MTERF4: variants seen among roughly 807,000 people sequenced by gnomAD.
The protein encoded by MTERF4 is transcription termination factor 4, mitochondrial.
Under a neutral mutation model 22.5 loss-of-function variants are expected in MTERF4, and 17 were observed. The ratio of observed to expected loss-of-function variants is 0.75; its 90% CI spans 0.52 to 1.13. MTERF4 has a LOEUF of 1.13. Among genes scored for constraint, MTERF4 ranks in the 50% most tolerant of loss-of-function variants. MTERF4 has a pLI of 0.00. For missense variants in MTERF4, 420 were observed against 466.8 expected, an observed-to-expected ratio of 0.90 and a Z score of 0.92; for synonymous variants, 165 against 175.3, an observed-to-expected ratio of 0.94 and a Z score of 0.47.
downstream of MTERF4, chr2:241,071,534 G>A (rs1348457982): frequency 2.6e-6 from 4 of 1,558,556 alleles, no homozygotes; most frequent in Non-Finnish European, 3.4e-6. Context: ...CAGGAGCAGA[G>A]GGCAGCCCCA....
At chr2:241,095,537 AAAAT>A (rs557163318), downstream of MTERF4, 48 of 163,176 alleles carry the variant, frequency 2.9e-4, no homozygotes, top group Non-Finnish European at 6.1e-4. Context: ...ATGTTTTCAT[AAAAT>A]AAAGTGCTAT....
the MTERF4 span, chr2:241,065,397 C>T: frequency 6.2e-7 from 1 of 1,613,258 alleles, no homozygotes; most frequent in South Asian, 1.1e-5. Context: ...CAGGCAGATG[C>T]TTGATGGCTA....
At chr2:241,088,330 T>C (rs1559318723), downstream of MTERF4, 25 of 1,533,756 alleles carry the variant, frequency 1.6e-5, no homozygotes, top group Non-Finnish European at 2.3e-5. Flanking sequence ...ACACAGTCTC[T>C]TTTTCATTAA....
chr2:241,067,871 G>C, downstream of MTERF4: 1 of 1,613,522 alleles, frequency 6.2e-7, no homozygotes, highest in Middle Eastern at 1.7e-4. Flanking sequence ...TGGGGTCCGT[G>C]TGTCCATCCG....
chr2:241,069,080 C>T (rs1254687146), downstream of MTERF4: 1 of 1,258,390 alleles, frequency 7.9e-7, no homozygotes, highest in African/African-American at 1.5e-5. The surrounding 1 kb of genome is among the most constrained non-coding windows in gnomAD (Gnocchi z 4.9). Flanking sequence ...GAAGCTCTGG[C>T]TTCCTTCCAG....
the MTERF4 span, among the ~76,000 whole-genome samples, chr2:241,043,036 C>A: frequency 5.3e-5 from 8 of 151,372 alleles, no homozygotes; most frequent in African/African-American, 1.7e-4. Context: ...GGATGGAGAA[C>A]AATATTAAGC....
At chr2:241,067,209 A>G (rs528709173), downstream of MTERF4, among the ~76,000 whole-genome samples, 1 of 152,268 alleles carries the variant, frequency 6.6e-6, no homozygotes, top group African/African-American at 2.4e-5. Context: ...AGTTGCCGGG[A>G]GCTGAGCGCT....
At chr2:241,081,679 G>A (rs377131444) in intron 4 of MTERF4, 212 of 1,598,072 alleles carry the variant, frequency 1.3e-4, no homozygotes, top group Non-Finnish European at 1.6e-4. Flanking sequence ...GTTTCCAGAC[G>A]TCCCTGGCAA....
the MTERF4 span, chr2:241,063,316 C>T: frequency 1.9e-5 from 10 of 526,302 alleles, no homozygotes; most frequent in Non-Finnish European, 3.5e-5. Context: ...GGAGCCGTGC[C>T]CAGTCGTGGC....
intron 3 of MTERF4, chr2:241,097,033 G>C: frequency 8.2e-6 from 5 of 613,116 alleles, no homozygotes; most frequent in Non-Finnish European, 1.4e-5. Flanking sequence ...TGTATGCAGA[G>C]AATCTAGTCT....
chr2:241,050,805 T>G, the MTERF4 span, among the ~76,000 whole-genome samples: 2 of 151,432 alleles, frequency 1.3e-5, no homozygotes, highest in Non-Finnish European at 2.9e-5. Flanking sequence ...CACCTGCCAG[T>G]GGTATGAAGT....
At chr2:241,087,620 C>T (rs1464762909), downstream of MTERF4, 4 of 1,438,692 alleles carry the variant, frequency 2.8e-6, no homozygotes, top group South Asian at 1.5e-5. Flanking sequence ...TGGGCAGCCA[C>T]GTTCTGCTAC....
At chr2:241,070,192 A>G (rs754199913), downstream of MTERF4, 9 of 1,605,336 alleles carry the variant, frequency 5.6e-6, no homozygotes, top group South Asian at 3.3e-5. Flanking sequence ...CCACCTCTAC[A>G]TCATCACCTG....
intron 4 of MTERF4, among the ~76,000 whole-genome samples, chr2:241,078,091 G>A (rs562587928): frequency 7.9e-4 from 121 of 152,220 alleles, no homozygotes; most frequent in African/African-American, 2.6e-3. Flanking sequence ...ATCAACTAAC[G>A]AAAGGAAAAG....
At chr2:241,089,892 G>A (rs2063801910), downstream of MTERF4, 2 of 1,504,712 alleles carry the variant, frequency 1.3e-6, no homozygotes, top group Admixed American at 4.6e-5. Flanking sequence ...AATACTGTAG[G>A]CGGTCGTAAC....
In MTERF4 at chr2:241,075,943, C is replaced by CT. The variant is rs1182754603; in HGVS notation, n.480-262dup. Reference sequence around the variant, plus strand: ...TTCATCTCTTCATGCTAAAAAGTCCCTTTTTCCCCCACTGTCAGTATCAAA... The same window carrying CT: ...TTCATCTCTTCATGCTAAAAAGTCCCTTTTTTCCCCCACTGTCAGTATCAAA... On this transcript the variant is annotated intron_variant and non_coding_transcript_variant, in intron 4 of 4. Coordinates refer to the MTERF4 transcript ENST00000464344. This position sits in a 1 kb window ranked among gnomAD's most constrained non-coding sequence, Gnocchi z 4.8. 6.6e-6 allele frequency among the ~76,000 whole-genome samples: 1 copy of CT among 152,074 alleles called. No individual in the cohort carries two copies. Among genetic ancestry groups the CT allele is most frequent in the Admixed American group, 6.5e-5 (1 of 15,270 alleles).
At chr2:241,068,035 C>A, downstream of MTERF4, 1 of 1,248,274 alleles carries the variant, frequency 8.0e-7, no homozygotes, top group African/African-American at 1.7e-5. This position sits in a 1 kb window ranked among gnomAD's most constrained non-coding sequence, Gnocchi z 5.3. Flanking sequence ...GGCACATTCT[C>A]CGTGTGTGGA....
the MTERF4 span, chr2:241,062,925 G>A: frequency 6.2e-4 from 916 of 1,474,802 alleles, 5 homozygotes; most frequent in African/African-American, 9.4e-3. Flanking sequence ...CCCTGGCCCC[G>A]CTGGGGTGAC....
downstream of MTERF4, chr2:241,090,415 A>C (rs1316060210): frequency 1.9e-6 from 3 of 1,548,576 alleles, no homozygotes; most frequent in Non-Finnish European, 2.6e-6. Context: ...GCCATTTTAT[A>C]GTTAACTTTT....
Sources: allele counts gnomAD v4.1 joint callset (sites outside exome capture counted in the v4.1 genomes callset), GRCh38; gene constraint gnomAD v4.1.1; non-coding constraint Gnocchi (gnomAD v3.1); transcripts MANE v1.5; gene names NCBI Gene and HGNC (gene_info 2026-07-23, HGNC 2026-07-21).